UNC5D: variants seen among roughly 807,000 people sequenced by gnomAD.
UNC5D encodes the protein unc-5 netrin receptor D, also known as netrin receptor UNC5D.
A neutral mutation model predicts 105.4 loss-of-function variants in UNC5D; 39 were observed. The ratio of observed to expected loss-of-function variants is 0.37; its 90% CI spans 0.29 to 0.48. The LOEUF (loss-of-function observed/expected upper bound fraction) is 0.48. Among genes scored for constraint, UNC5D ranks in the 20% least tolerant of loss-of-function variants. The pLI, the probability that UNC5D is intolerant of heterozygous loss-of-function variation, is 0.98. For synonymous variants in UNC5D, 452 were observed against 450.4 expected (o/e 1.00, Z -0.04); for missense variants, 991 against 1,202.4 (o/e 0.82, Z 2.60).
chr8:35,602,222 G>T (rs2130931663), intron 4 of UNC5D, among the ~76,000 whole-genome samples: 1 of 152,230 alleles, frequency 6.6e-6, no homozygotes, highest in East Asian at 1.9e-4. Flanking sequence ...GAGAATTTTT[G>T]CATCAGTGTT....
chr8:35,305,577 T>TTTCTTTC lies in UNC5D; in HGVS notation c.103+69692_103+69693insCTTTCTT, dbSNP rs1808284926. Among the ~76,000 whole-genome samples the TTTCTTTC allele has an allele frequency of 1.1e-3, 61 of 54,026 alleles. 1 individual carries two copies. The highest frequency in any genetic ancestry group is 3.8e-3 in the African/African-American group (58 of 15,280). 35.4% of individuals were successfully genotyped at this position (54,026 alleles called of 152,430 possible). On this transcript the variant is annotated intron_variant, in intron 1 of 16. Coordinates refer to ENST00000404895, the MANE Select transcript of UNC5D (RefSeq NM_080872.4). ...TCTCTTCCTTCCTTTCTTTCTTTCT[T>TTTCTTTC]TTTCTTTCTTTCTTTCTTTCTTTCT... is the stretch of plus-strand genomic sequence containing the variant.
At chr8:35,409,563 T>G (rs1805024460) in intron 1 of UNC5D, among the ~76,000 whole-genome samples, 1 of 152,192 alleles carries the variant, frequency 6.6e-6, no homozygotes, top group South Asian at 2.1e-4. Flanking sequence ...TGTGTCTTTT[T>G]AAATCTTTTG....
chr8:35,546,282 G>C (rs975104661), intron 1 of UNC5D, among the ~76,000 whole-genome samples: 1 of 152,086 alleles, frequency 6.6e-6, no homozygotes, highest in African/African-American at 2.4e-5. Context: ...CTTTCTTTCA[G>C]ATGCAGGCTG....
At chr8:35,447,429 G>C (rs976020602) in intron 1 of UNC5D, among the ~76,000 whole-genome samples, 3 of 152,036 alleles carry the variant, frequency 2.0e-5, no homozygotes, top group Non-Finnish European at 2.9e-5. Flanking sequence ...CAAAAAGGAA[G>C]TGGCCTATGG....
intron 1 of UNC5D, among the ~76,000 whole-genome samples, chr8:35,381,015 A>C (rs1305962447): frequency 1.4e-5 from 2 of 147,322 alleles, no homozygotes; most frequent in Non-Finnish European, 3.0e-5. Flanking sequence ...CTACAAATGA[A>C]GCAGGGAGGG....
intron 4 of UNC5D, among the ~76,000 whole-genome samples, chr8:35,629,957 C>T (rs1387047010): frequency 2.0e-5 from 3 of 152,138 alleles, no homozygotes; most frequent in Non-Finnish European, 4.4e-5. Context: ...CCTGCTTTTG[C>T]ATTTCCCCTT....
chr8:35,339,772 C>G (rs1335146181), intron 1 of UNC5D, among the ~76,000 whole-genome samples: 1 of 152,178 alleles, frequency 6.6e-6, no homozygotes, highest in Non-Finnish European at 1.5e-5. Flanking sequence ...GGGGAGCCAG[C>G]ACACTGAGAA....
chr8:35,678,486 A>T (rs1825426364), intron 4 of UNC5D, among the ~76,000 whole-genome samples: 1 of 152,144 alleles, frequency 6.6e-6, no homozygotes. Context: ...TTTACCTTGA[A>T]TTTGCCATAA....
At chr8:35,437,269 T>C (rs1278439340) in intron 1 of UNC5D, among the ~76,000 whole-genome samples, 1 of 152,134 alleles carries the variant, frequency 6.6e-6, no homozygotes, top group Non-Finnish European at 1.5e-5. Flanking sequence ...AACCATCATA[T>C]TATGTTTATA....
intron 1 of UNC5D, among the ~76,000 whole-genome samples, chr8:35,472,040 A>C (rs1381890406): frequency 6.6e-6 from 1 of 152,258 alleles, no homozygotes; most frequent in Non-Finnish European, 1.5e-5. Flanking sequence ...TGACAAGAAC[A>C]AACTGAAAGG....
chr8:35,292,640 C>A (rs1490996100), intron 1 of UNC5D, among the ~76,000 whole-genome samples: 3 of 151,630 alleles, frequency 2.0e-5, no homozygotes, highest in Admixed American at 2.0e-4. Context: ...GATAGAAAGC[C>A]TTAACAATAA....
intron 1 of UNC5D, among the ~76,000 whole-genome samples, chr8:35,499,583 G>A (rs796464901): frequency 3.9e-5 from 6 of 152,294 alleles, no homozygotes; most frequent in African/African-American, 1.4e-4. Context: ...CATTTAGCCA[G>A]AGGAAACATT....
At chr8:35,473,437 A>G (rs1809876756) in intron 1 of UNC5D, among the ~76,000 whole-genome samples, 1 of 152,182 alleles carries the variant, frequency 6.6e-6, no homozygotes, top group Admixed American at 6.6e-5. Context: ...TGGTAGGTGG[A>G]ATGGTGAGCA....
At chr8:35,455,717 A>T (rs993110094) in intron 1 of UNC5D, among the ~76,000 whole-genome samples, 2 of 152,112 alleles carry the variant, frequency 1.3e-5, no homozygotes, top group African/African-American at 4.8e-5. Context: ...TCACCATTCC[A>T]TGTGGCTGAG....
chr8:35,618,085 T>C (rs999936794), intron 4 of UNC5D, among the ~76,000 whole-genome samples: 1 of 152,190 alleles, frequency 6.6e-6, no homozygotes, highest in African/African-American at 2.4e-5. Flanking sequence ...AACAGCATCA[T>C]TTGGAGATCA....
At chr8:35,766,614 T>C (rs987821145) in intron 14 of UNC5D, among the ~76,000 whole-genome samples, 1 of 152,228 alleles carries the variant, frequency 6.6e-6, no homozygotes, top group Non-Finnish European at 1.5e-5. Flanking sequence ...GTATTCTTTC[T>C]AATTGTGTGT....
intron 7 of UNC5D, among the ~76,000 whole-genome samples, chr8:35,690,475 A>AAATT (rs1197261799): frequency 1.3e-5 from 2 of 152,038 alleles, no homozygotes; most frequent in Non-Finnish European, 2.9e-5. Context: ...CAAAAAATAA[A>AAATT]AATTAAAAAA....
At chr8:35,715,372 G>T (rs1828199432) in intron 8 of UNC5D, among the ~76,000 whole-genome samples, 1 of 152,146 alleles carries the variant, frequency 6.6e-6, no homozygotes, top group Non-Finnish European at 1.5e-5. Flanking sequence ...TTTTGGAGAG[G>T]TGGTAGTTGG....
At chr8:35,718,579 A>G (rs1369041032) in intron 8 of UNC5D, among the ~76,000 whole-genome samples, 4 of 152,322 alleles carry the variant, frequency 2.6e-5, no homozygotes, top group African/African-American at 9.6e-5. Context: ...TAGCTTTTGA[A>G]GAGTTTAAGG....
Sources: allele counts gnomAD v4.1 joint callset (sites outside exome capture counted in the v4.1 genomes callset), GRCh38; gene constraint gnomAD v4.1.1; transcripts MANE v1.5; gene names NCBI Gene and HGNC (gene_info 2026-07-23, HGNC 2026-07-21).